TNRC18: variants seen among roughly 807,000 people sequenced by gnomAD.
The protein encoded by TNRC18 is trinucleotide repeat containing 18.
Under a neutral mutation model 226.7 loss-of-function variants are expected in TNRC18, and 69 were observed. The ratio of observed to expected loss-of-function variants is 0.30; its 90% CI spans 0.25 to 0.37. The LOEUF is 0.37. TNRC18 is among the 10% of genes least tolerant of loss of function. The probability of loss-of-function intolerance (pLI) is 1.00; values close to 1 mark genes in which losing one functional copy is unlikely to be tolerated. For missense variants in TNRC18, 4,754 were observed against 4,256.6 expected (o/e 1.12, Z -3.25); for synonymous variants, 2,449 against 1,927.6 (o/e 1.27, Z -7.09).
At chr7:5,409,282 C>T (rs1041118452) in intron 2 of TNRC18, among the ~76,000 whole-genome samples, 15 of 151,272 alleles carry the variant, frequency 9.9e-5, no homozygotes, top group Non-Finnish European at 1.9e-4. Context: ...AAGAAAACGC[C>T]AGGGGAAAAA....
At chr7:5,392,405 G>C (rs769711415) in intron 3 of TNRC18, among the ~76,000 whole-genome samples, 2 of 152,188 alleles carry the variant, frequency 1.3e-5, no homozygotes, top group African/African-American at 4.8e-5. Flanking sequence ...AGAGGTTGCA[G>C]TGAACCGAGA....
At chr7:5,373,964 G>A (rs1045636859) in intron 10 of TNRC18, 91 bp downstream of exon 10, 47 of 1,072,468 alleles carry the variant, frequency 4.4e-5, no homozygotes, top group African/African-American at 4.0e-4. Flanking sequence ...TGGAATGAAC[G>A]AACGATCGAA....
intron 2 of TNRC18, among the ~76,000 whole-genome samples, chr7:5,418,627 C>G (rs566657721): frequency 6.6e-6 from 1 of 152,176 alleles, no homozygotes; most frequent in Non-Finnish European, 1.5e-5. Flanking sequence ...GTGGCTCAAC[C>G]GCTCAGGACT....
At chr7:5,420,147 G>T in intron 2 of TNRC18, 1 of 334,464 alleles carries the variant, frequency 3.0e-6, no homozygotes, top group South Asian at 2.1e-5. Context: ...TGACTGGAGG[G>T]AGAGTCTCCC....
At chr7:5,390,880 C>A (rs1005927271) in intron 3 of TNRC18, among the ~76,000 whole-genome samples, 6 of 151,606 alleles carry the variant, frequency 4.0e-5, no homozygotes, top group African/African-American at 1.5e-4. Flanking sequence ...ATGGATCCAA[C>A]TAGCGGGGCC....
chr7:5,332,559 G>A, intron 19 of TNRC18, 63 bp downstream of exon 19: 3 of 1,451,886 alleles, frequency 2.1e-6, no homozygotes, highest in Non-Finnish European at 1.8e-6. Context: ...GAGGGGAGAG[G>A]GCCCCTCCCT....
chr7:5,408,125 C>T (rs1254308745), intron 2 of TNRC18, among the ~76,000 whole-genome samples: 6 of 152,058 alleles, frequency 3.9e-5, no homozygotes, highest in East Asian at 1.9e-4. Context: ...CATGGTGAAA[C>T]GCCGTCTCTG....
rs34729538 is a variant in TNRC18 at position 5,374,292 on chromosome 7, C to T, written c.2992G>A (p.Ala998Thr). ...KAVSPPPSPR[A>T]SPVAALKAKV... ...GCCTTCAGGGCAGCCACAGGGGATG[C>T]GCGGGGTGATGGTGGCGGGCTCACG... is the stretch of plus-strand genomic sequence containing the variant. Residue 998 changes from alanine to threonine, a missense_variant, in exon 10 of 30, where the codon GCA (alanine) becomes ACA (threonine). Coordinates refer to ENST00000430969, the MANE Select transcript of TNRC18 (RefSeq NM_001080495.3). 18,670 of 1,463,798 alleles carry T rather than the reference C, an allele frequency of 0.013. 176 individuals carry two copies. Among genetic ancestry groups the T allele is most frequent in the Non-Finnish European group, 0.014 (15,008 of 1,110,706 alleles). The allele number at this position is 1,463,798 out of a possible 1,614,324, so 90.7% of individuals were successfully genotyped here. A position where few individuals can be genotyped will look rare whatever the true frequency, so the allele number is the denominator to read the frequency against.
chr7:5,307,769 C>A lies in TNRC18; in HGVS notation c.*337G>T, dbSNP rs563726936. 2.0e-4 allele frequency: 77 copies of A among 389,430 alleles called. 1 individual carries two copies. Among genetic ancestry groups the A allele is most frequent in the South Asian group, 1.7e-3 (76 of 44,494 alleles). 24.1% of individuals were successfully genotyped at this position (389,430 alleles called of 1,614,324 possible). A position where few individuals can be genotyped will look rare whatever the true frequency, so the allele number is the denominator to read the frequency against. ...TGCATGGACCTGGGGGCACCCGGGC[C>A]CCCACGCAGCAGCAGCCTGGAGGGC... is the stretch of plus-strand genomic sequence containing the variant. On this transcript the variant is annotated 3_prime_UTR_variant, in exon 30 of 30. Coordinates refer to ENST00000430969, the MANE Select transcript of TNRC18 (RefSeq NM_001080495.3).
chr7:5,315,875 G>C (rs1296888212), intron 25 of TNRC18, 81 bp downstream of exon 25: 1 of 1,070,166 alleles, frequency 9.3e-7, no homozygotes, highest in East Asian at 2.8e-5. Context: ...TTCAGACAGA[G>C]CTCAGAGCCG....
rs1786634907 is a variant in TNRC18 at position 5,307,267 on chromosome 7, A to G, written c.*839T>C. 1 of 148,802 alleles carries G rather than the reference A, an allele frequency of 6.7e-6. No homozygotes were observed. The highest frequency in any genetic ancestry group is 6.7e-5 in the Admixed American group (1 of 14,870). 9.2% of individuals were successfully genotyped at this position (148,802 alleles called of 1,614,324 possible). ...TTTTAAAAAGTTTATATATATATTT[A>G]TATATATTTATCTTTATATATATAA... On this transcript the variant is annotated 3_prime_UTR_variant, in exon 30 of 30. Coordinates refer to ENST00000430969, the MANE Select transcript of TNRC18 (RefSeq NM_001080495.3).
In TNRC18 at chr7:5,332,717, C is replaced by T; in HGVS notation, c.6052G>A (p.Ala2018Thr). The T allele has an allele frequency of 6.6e-7, 1 of 1,525,878 alleles. No individual in the cohort carries two copies. Among genetic ancestry groups the T allele is most frequent in the East Asian group, 2.5e-5 (1 of 39,560 alleles). 94.5% of individuals were successfully genotyped at this position (1,525,878 alleles called of 1,614,324 possible). A position where few individuals can be genotyped will look rare whatever the true frequency, so the allele number is the denominator to read the frequency against. Residue 2018 changes from alanine to threonine, a missense_variant, in exon 19 of 30, where the codon GCG (alanine) becomes ACG (threonine). Transcript: ENST00000430969. The part of the protein sequence containing the change: ...SAAAPAPVST[A>T]PATKTSRCAK... ...CAGCGGCTGGTCTTGGTGGCGGGCG[C>T]GGTGCTGACGGGCGCAGGTGCAGCA...
At chr7:5,408,092 G>A (rs1212720391) in intron 2 of TNRC18, among the ~76,000 whole-genome samples, 2 of 152,122 alleles carry the variant, frequency 1.3e-5, no homozygotes, top group East Asian at 1.9e-4. Flanking sequence ...ACGAGGTTAG[G>A]AGATCGAGAC....
chr7:5,345,023 A>C (rs1791024107), intron 18 of TNRC18, among the ~76,000 whole-genome samples: 1 of 151,092 alleles, frequency 6.6e-6, no homozygotes, highest in African/African-American at 2.4e-5. Flanking sequence ...ACCCCACCTG[A>C]CTCCTCCAGG....
rs189767671 is a variant in TNRC18 at position 5,307,410 on chromosome 7, C to G, written c.*696G>C. On this transcript the variant is annotated 3_prime_UTR_variant, in exon 30 of 30. Transcript: ENST00000430969. ...CCCTCCTGGGTGGGGAGGGGCCAGG[C>G]GTGGCCGGGCGACAGTTTCAGCACC... 3.1e-6 allele frequency: 1 copy of G among 320,328 alleles called. No individual in the cohort carries two copies. Among genetic ancestry groups the G allele is most frequent in the East Asian group, 1.2e-4 (1 of 8,512 alleles). 19.8% of individuals were successfully genotyped at this position (320,328 alleles called of 1,614,324 possible).
chr7:5,330,098 A>AT lies in TNRC18; in HGVS notation c.6147+2523dup, dbSNP rs1302904424. 3.0e-5 allele frequency: 12 copies of AT among 404,998 alleles called. No individual in the cohort carries two copies. In the East Asian group the frequency reaches 8.0e-4, roughly 27 times the overall value. 25.1% of individuals were successfully genotyped at this position (404,998 alleles called of 1,614,324 possible). ...AGGTGCCCCCCAACACACCCAGCTAATTTTTTTATTTTTAGTAGAAACGGA... is the reference window on the plus strand; with the variant it reads ...AGGTGCCCCCCAACACACCCAGCTAATTTTTTTTATTTTTAGTAGAAACGGA... On this transcript the variant is annotated intron_variant, in intron 19 of 29. Coordinates refer to ENST00000430969, the MANE Select transcript of TNRC18 (RefSeq NM_001080495.3).
Position 5,388,957 on chromosome 7 carries a change from C to T in TNRC18, c.867G>A (p.Gly289=), listed in dbSNP as rs1002885773. The T allele has an allele frequency of 2.7e-5, 38 of 1,386,426 alleles. No individual in the cohort carries two copies. Among genetic ancestry groups the T allele is most frequent in the Non-Finnish European group, 3.3e-5 (35 of 1,064,998 alleles). The allele number at this position is 1,386,426 out of a possible 1,614,324, so 85.9% of individuals were successfully genotyped here. A position where few individuals can be genotyped will look rare whatever the true frequency, so the allele number is the denominator to read the frequency against. The change falls in exon 5 of 30, where the codon GGG becomes GGA. Residue 289 remains glycine, a synonymous_variant. Transcript: ENST00000430969. ...CCACCAGCGCGGGCAGCCCCACGTC[C>T]CCGGCGCCGCCGTTGCACATGGTCA... The part of the protein sequence containing the change: ...SVLTMCNGGA[G]DVGLPALVAE...
chr7:5,325,498 A>T, intron 19 of TNRC18: 1 of 423,952 alleles, frequency 2.4e-6, no homozygotes, highest in Middle Eastern at 6.6e-4. Context: ...ATCTTGGCTC[A>T]CTGCAAGCTC....
At chr7:5,359,266 G>A (rs572899699) in intron 15 of TNRC18, 132 bp downstream of exon 15, 40 of 929,932 alleles carry the variant, frequency 4.3e-5, no homozygotes, top group African/African-American at 6.6e-5. Context: ...GAGTCATTCC[G>A]GCATTGAAGA....
Sources: allele counts gnomAD v4.1 joint callset (sites outside exome capture counted in the v4.1 genomes callset), GRCh38; gene constraint gnomAD v4.1.1; transcripts MANE v1.5; gene names NCBI Gene and HGNC (gene_info 2026-07-23, HGNC 2026-07-21).